The following RNF168 variants were observed in gnomAD, a reference collection of about 807,000 sequenced individuals.
RNF168 encodes E3 ubiquitin-protein ligase RNF168.
RNF168 carries 34 observed loss-of-function variants against 34.9 expected under a neutral mutation model. The observed-to-expected ratio is 0.97, with a 90% CI of 0.74 to 1.30. The LOEUF (loss-of-function observed/expected upper bound fraction) is 1.30. Ranked by LOEUF, RNF168 falls within the 50% of genes most tolerant of loss-of-function variation. The pLI, the probability that RNF168 is intolerant of heterozygous loss-of-function variation, is 0.00. For synonymous variants in RNF168, 264 were observed against 254.7 expected (o/e 1.04, Z -0.35); for missense variants, 725 against 682.5 (o/e 1.06, Z -0.69).
chr3:196,485,784 A>ATT (rs62667860), intron 3 of RNF168, among the ~76,000 whole-genome samples: 38 of 151,600 alleles, frequency 2.5e-4, no homozygotes, highest in Non-Finnish European at 5.2e-4. Context: ...ATACATATAT[A>ATT]TTTTTTTATT....
intron 4 of RNF168, among the ~76,000 whole-genome samples, chr3:196,475,893 T>C (rs1732136730): frequency 6.7e-6 from 1 of 149,616 alleles, no homozygotes; most frequent in Non-Finnish European, 1.5e-5. Context: ...GGAGTCTCCC[T>C]CTGTCGCCCA....
Position 196,471,896 on chromosome 3 carries a change from A to T in RNF168, c.1639T>A (p.Ser547Thr). ...PNSTRDHCKV[S>T]KSAHSLQPSI... The stretch of plus-strand genomic sequence containing the variant: ...GGCTGTAGGGAGTGAGCACTTTTGG[A>T]TACCTTACAGTGATCTCTAGTAGAA... The change falls in exon 6 of 6, where the codon TCC (serine) becomes ACC (threonine). Residue 547 changes from serine to threonine, a missense_variant. Physicochemically the swap from Ser to Thr is moderately conservative, Grantham distance 58. Transcript: ENST00000318037. 6.2e-7 allele frequency: 1 copy of T among 1,614,076 alleles called. No homozygotes were observed. The highest frequency in any genetic ancestry group is 1.6e-4 in the Middle Eastern group (1 of 6,062).
chr3:196,483,717 A>G, intron 4 of RNF168, 53 bp downstream of exon 4: 2 of 1,488,146 alleles, frequency 1.3e-6, no homozygotes, highest in Admixed American at 3.3e-5. Flanking sequence ...TGAACAGAAA[A>G]CACTGGCATA....
rs1732019072 is a variant in RNF168, at chr3:196,472,041, G to A, written c.1494C>T (p.Asn498=). ...NGQRKNPKDG[N]FKRQTHTKHP... ...GCTTTGTGTGAGTTTGCCTTTTGAA[G>A]TTCCCATCTTTGGGATTCTTCCTCT... The change falls in exon 6 of 6, where the codon AAC becomes AAT. Residue 498 remains asparagine, a synonymous_variant. Transcript: ENST00000318037. The A allele has an allele frequency of 6.2e-7, 1 of 1,613,902 alleles. No homozygotes were observed.
At chr3:196,483,673 C>A in intron 4 of RNF168, 97 bp downstream of exon 4, 2 of 1,052,154 alleles carry the variant, frequency 1.9e-6, no homozygotes, top group Non-Finnish European at 3.0e-6. Context: ...ACAAAGTTCA[C>A]GGACCAAACT....
intron 1 of RNF168, among the ~76,000 whole-genome samples, chr3:196,497,670 A>G (rs1455925510): frequency 6.6e-6 from 1 of 152,170 alleles, no homozygotes; most frequent in African/African-American, 2.4e-5. Flanking sequence ...CAGTCTCCAA[A>G]AAAAAAAGGT....
intron 4 of RNF168, among the ~76,000 whole-genome samples, chr3:196,478,826 C>G (rs1402649982): frequency 2.7e-5 from 4 of 149,118 alleles, no homozygotes; most frequent in African/African-American, 7.4e-5. Flanking sequence ...ACCACCATGC[C>G]CAGCGAATTT....
intron 4 of RNF168, among the ~76,000 whole-genome samples, chr3:196,479,050 G>A (rs369707833): frequency 6.8e-6 from 1 of 148,088 alleles, no homozygotes; most frequent in Non-Finnish European, 1.5e-5. Flanking sequence ...TCACTCTATT[G>A]CCCAGGTTGG....
intron 2 of RNF168, among the ~76,000 whole-genome samples, chr3:196,488,001 CT>C (rs1732498710): frequency 6.6e-6 from 1 of 152,114 alleles, no homozygotes; most frequent in Non-Finnish European, 1.5e-5. Context: ...CTCTACCACC[CT>C]TTTACTTTAA....
intron 4 of RNF168, among the ~76,000 whole-genome samples, chr3:196,482,258 C>T (rs2108648084): frequency 6.6e-6 from 1 of 152,182 alleles, no homozygotes; most frequent in Non-Finnish European, 1.5e-5. Flanking sequence ...AATTTTAAAA[C>T]TATATAATCC....
chr3:196,495,191 G>GTT, intron 1 of RNF168, among the ~76,000 whole-genome samples: 1 of 152,100 alleles, frequency 6.6e-6, no homozygotes, highest in East Asian at 1.9e-4. Context: ...GTGTGTGTGT[G>GTT]TATTTTCTGA....
rs1462536109 is a variant in RNF168 at position 196,502,997 on chromosome 3, C to G, written c.177G>C (p.Ser59=). The G allele has an allele frequency of 2.5e-6, 4 of 1,613,962 alleles. No homozygotes were observed. Among genetic ancestry groups the G allele is most frequent in the Non-Finnish European group, 2.5e-6 (3 of 1,180,016 alleles). The change falls in exon 1 of 6, where the codon TCG becomes TCC. Residue 59 remains serine, a synonymous_variant. Transcript: ENST00000318037. The stretch of plus-strand genomic sequence containing the variant: ...TTCGGGTATGGTACCGAGTCCACGA[C>G]GATACCCGGCGGCGACAGAAGGGAC... ...LCCPFCRRRV[S]SWTRYHTRRN...
At chr3:196,492,585 G>A (rs560296200) in intron 1 of RNF168, among the ~76,000 whole-genome samples, 1 of 152,194 alleles carries the variant, frequency 6.6e-6, no homozygotes, top group South Asian at 2.1e-4. Context: ...AAACCAGCCT[G>A]GCCAACAAGG....
chr3:196,503,234 C>CGAAA lies in RNF168; in HGVS notation c.-62_-61insTTTC. On this transcript the variant is annotated 5_prime_UTR_variant, in exon 1 of 6. Transcript: ENST00000318037. ...CCTGCACGAAAAAGAATCCTATTTTCGGCCAACCACAGAGAGAGCAAAAGC... is the reference window on the plus strand; with the variant it reads ...CCTGCACGAAAAAGAATCCTATTTTCGAAAGGCCAACCACAGAGAGAGCAAAAGC... 1 of 1,475,566 alleles carries CGAAA rather than the reference C, an allele frequency of 6.8e-7. No homozygotes were observed. The highest frequency in any genetic ancestry group is 9.5e-7 in the Non-Finnish European group (1 of 1,056,788). 91.4% of individuals were successfully genotyped at this position (1,475,566 alleles called of 1,614,324 possible).
At chr3:196,482,924 T>C (rs972186881) in intron 4 of RNF168, among the ~76,000 whole-genome samples, 1 of 152,138 alleles carries the variant, frequency 6.6e-6, no homozygotes, top group East Asian at 1.9e-4. Context: ...TTCTTGTATC[T>C]CTGGTAATTT....
chr3:196,474,014 A>T (rs867374474), intron 5 of RNF168, among the ~76,000 whole-genome samples: 23 of 151,922 alleles, frequency 1.5e-4, no homozygotes, highest in Admixed American at 1.3e-3. Flanking sequence ...TAATACACTC[A>T]CTTGTGTGGC....
chr3:196,475,200 A>T (rs760928506), intron 5 of RNF168, 31 bp downstream of exon 5: 2 of 1,272,172 alleles, frequency 1.6e-6, no homozygotes, highest in Non-Finnish European at 2.3e-6. Context: ...ATGAACCAGC[A>T]AAACTCAGAA....
intron 5 of RNF168, 116 bp downstream of exon 5, chr3:196,475,111 TCAGA>T: frequency 1.4e-6 from 1 of 695,240 alleles, no homozygotes; most frequent in Non-Finnish European, 2.6e-6. Flanking sequence ...CTAAGAGGAC[TCAGA>T]CAGGGTGTTT....
intron 4 of RNF168, among the ~76,000 whole-genome samples, chr3:196,477,092 C>T (rs1402530950): frequency 3.3e-5 from 5 of 152,120 alleles, no homozygotes; most frequent in African/African-American, 1.2e-4. Flanking sequence ...AGGCTGTTTG[C>T]CACTGAAAAC....
Sources: allele counts gnomAD v4.1 joint callset (sites outside exome capture counted in the v4.1 genomes callset), GRCh38; gene constraint gnomAD v4.1.1; transcripts MANE v1.5; gene names NCBI Gene and HGNC (gene_info 2026-07-23, HGNC 2026-07-21).